The following MTERF4 variants were observed in gnomAD, a reference collection of about 807,000 sequenced individuals.
MTERF4 encodes mitochondrial transcription termination factor 4.
A neutral mutation model predicts 22.5 loss-of-function variants in MTERF4; 17 were observed. That is an observed-to-expected ratio of 0.75 (90% CI 0.52 to 1.13). The LOEUF is 1.13. Ranked by LOEUF, MTERF4 falls within the 50% of genes most tolerant of loss-of-function variation. The pLI, the probability that MTERF4 is intolerant of heterozygous loss-of-function variation, is 0.00. For synonymous variants in MTERF4, 165 were observed against 175.3 expected (o/e 0.94, Z 0.47); for missense variants, 420 against 466.8 (o/e 0.90, Z 0.92).
At chr2:241,050,744 A>G in the MTERF4 span, among the ~76,000 whole-genome samples, 1 of 152,166 alleles carries the variant, frequency 6.6e-6, no homozygotes, top group Non-Finnish European at 1.5e-5. Flanking sequence ...GACCACCCTG[A>G]GGCCCTTCAT....
the MTERF4 span, chr2:241,062,973 T>A: frequency 9.8e-7 from 1 of 1,015,866 alleles, no homozygotes; most frequent in Non-Finnish European, 1.4e-6. Context: ...AGGCACTGGG[T>A]CCCCCGGACA....
chr2:241,098,988 C>A (rs1314019992), intron 2 of MTERF4, among the ~76,000 whole-genome samples: 1 of 152,158 alleles, frequency 6.6e-6, no homozygotes, highest in Non-Finnish European at 1.5e-5. Context: ...CAGTCCTCTC[C>A]AGGAACACTG....
the MTERF4 span, chr2:241,050,138 C>T: frequency 1.6e-6 from 1 of 629,088 alleles, no homozygotes; most frequent in Non-Finnish European, 2.9e-6. Flanking sequence ...AGTGCCAGGC[C>T]TGCTGGTCAT....
chr2:241,071,830 AGCG>A, downstream of MTERF4: 1 of 1,604,234 alleles, frequency 6.2e-7, no homozygotes, highest in Non-Finnish European at 8.5e-7. Flanking sequence ...AGGAAGAGTG[AGCG>A]CCAGGTTCGG....
chr2:241,090,512 GTAT>G, downstream of MTERF4: 1 of 1,474,706 alleles, frequency 6.8e-7, no homozygotes, highest in Non-Finnish European at 9.0e-7. Flanking sequence ...TTATCATCAA[GTAT>G]TATGTACTCT....
At chr2:241,054,170 C>T in the MTERF4 span, among the ~76,000 whole-genome samples, 3 of 152,014 alleles carry the variant, frequency 2.0e-5, no homozygotes, top group Admixed American at 6.6e-5. Context: ...TTGGAGATGA[C>T]CCCCCCTCCC....
chr2:241,048,956 A>T, the MTERF4 span: 1 of 1,439,442 alleles, frequency 6.9e-7, no homozygotes, highest in Non-Finnish European at 9.6e-7. Flanking sequence ...CCCATCCTTG[A>T]CAAGGACTCG....
At chr2:241,071,329 G>GCA, downstream of MTERF4, 1 of 580,690 alleles carries the variant, frequency 1.7e-6, no homozygotes, top group Non-Finnish European at 3.1e-6. Context: ...TGACTCCCAG[G>GCA]CCAGTGCACG....
downstream of MTERF4, chr2:241,094,208 C>G (rs986950161): frequency 1.4e-5 from 6 of 419,812 alleles, no homozygotes; most frequent in East Asian, 4.4e-4. The surrounding 1 kb of genome is among the most constrained non-coding windows in gnomAD (Gnocchi z 4.3). Flanking sequence ...GTAAGGGAAT[C>G]TTTGCTGTGC....
chr2:241,087,127 T>C, downstream of MTERF4: 1 of 417,856 alleles, frequency 2.4e-6, no homozygotes, highest in Admixed American at 4.4e-5. Context: ...TTTAGTACCA[T>C]ATCCTTTGTC....
At chr2:241,078,550 T>G (rs920974187) in intron 4 of MTERF4, among the ~76,000 whole-genome samples, 1 of 151,872 alleles carries the variant, frequency 6.6e-6, no homozygotes, top group East Asian at 1.9e-4. Flanking sequence ...GAAGACTCTA[T>G]GTACTATGAT....
chr2:241,046,059 A>G, the MTERF4 span, among the ~76,000 whole-genome samples: 4 of 152,234 alleles, frequency 2.6e-5, no homozygotes, highest in East Asian at 7.7e-4. Context: ...GGATGGAAAA[A>G]TACTCTTGTC....
the MTERF4 span, chr2:241,050,147 A>G: frequency 3.3e-6 from 2 of 611,262 alleles, no homozygotes; most frequent in East Asian, 2.8e-5. Flanking sequence ...CCTGCTGGTC[A>G]TTACCTTGCT....
rs542701458 is a variant in MTERF4, at chr2:241,073,506, C to G, written n.2656G>C. ...TGAGGGGAGGCTGAGCACCAGGCAC[C>G]CCGGTGTGGGAAGATGGGGTGAAGC... is the stretch of plus-strand genomic sequence containing the variant. On this transcript the variant is annotated non_coding_transcript_exon_variant, in exon 5 of 5. Transcript: ENST00000464344. The surrounding 1 kb of genome is among the most constrained non-coding windows in gnomAD (Gnocchi z 6.6). 9.8e-6 allele frequency: 7 copies of G among 715,372 alleles called. No homozygotes were observed. In the East Asian group the frequency reaches 1.6e-4, roughly 17 times the overall value. The allele number at this position is 715,372 out of a possible 1,614,324, so 44.3% of individuals were successfully genotyped here.
At chr2:241,050,104 GT>G in the MTERF4 span, 1 of 680,042 alleles carries the variant, frequency 1.5e-6, no homozygotes, top group East Asian at 2.7e-5. Context: ...GCACCTCACT[GT>G]TTGGATGGTT....
Position 241,099,598 on chromosome 2 carries a change from A to G in MTERF4, c.318T>C (p.Asn106=). 1 of 1,614,192 alleles carries G rather than the reference A, an allele frequency of 6.2e-7. No individual in the cohort carries two copies. The change falls in exon 2 of 4, where the codon AAT becomes AAC. Residue 106 remains asparagine, a synonymous_variant. Transcript: ENST00000391980. ...CACTGAGCAATTCATTAATATGGGC[A>G]TTGCTGAAACCCATGTCCAGGAGGG... The part of the protein sequence containing the change: ...MSSLLDMGFS[N]AHINELLSVR...
At chr2:241,087,713 T>G (rs2063657468), downstream of MTERF4, 1 of 1,357,504 alleles carries the variant, frequency 7.4e-7, no homozygotes, top group Non-Finnish European at 9.5e-7. Flanking sequence ...GGGGTCACTC[T>G]GGTTATGCAT....
rs1347573585 is a variant in MTERF4 at position 241,096,443 on chromosome 2, A to G, written c.706-5T>C. 1 of 1,613,556 alleles carries G rather than the reference A, an allele frequency of 6.2e-7. No homozygotes were observed. The highest frequency in any genetic ancestry group is 1.7e-5 in the Admixed American group (1 of 59,998). ...TCCCATCCTGAAGTATGCATACTGG[A>G]AGACACAAACACACTTAGGAGTCCC... On this transcript the variant is annotated splice_polypyrimidine_tract_variant and splice_region_variant and intron_variant, in intron 3 of 3. Transcript: ENST00000391980. The surrounding 1 kb of genome is among the most constrained non-coding windows in gnomAD (Gnocchi z 5.1).
the MTERF4 span, among the ~76,000 whole-genome samples, chr2:241,053,875 T>G: frequency 6.6e-6 from 1 of 152,226 alleles, no homozygotes; most frequent in South Asian, 2.1e-4. Flanking sequence ...ATTAACACCC[T>G]GCAGGTGCAT....
Sources: gnomAD v4.1 joint callset for allele counts (sites outside exome capture counted in the v4.1 genomes callset) on GRCh38, gnomAD v4.1.1 for gene constraint, Gnocchi (gnomAD v3.1) non-coding constraint, MANE v1.5 for transcripts, NCBI Gene and HGNC (gene_info 2026-07-23, HGNC 2026-07-21) for gene names.